The following LRRC4C variants were observed in gnomAD, a reference collection of about 807,000 sequenced individuals.
LRRC4C encodes leucine-rich repeat-containing protein 4C.
Under a neutral mutation model 33.6 loss-of-function variants are expected in LRRC4C, and 5 were observed. The ratio of observed to expected loss-of-function variants is 0.15; its 90% CI spans 0.08 to 0.31. The LOEUF (loss-of-function observed/expected upper bound fraction) is 0.31. Ranked by LOEUF, LRRC4C falls within the 10% of genes least tolerant of loss-of-function variation. The pLI, the probability that LRRC4C is intolerant of heterozygous loss-of-function variation, is 1.00. For missense variants in LRRC4C, 560 were observed against 796.7 expected (o/e 0.70, Z 3.58); for synonymous variants, 329 against 302.0 (o/e 1.09, Z -0.93).
At chr11:40,765,679 G>A (rs1192358943) in intron 2 of LRRC4C, among the ~76,000 whole-genome samples, 2 of 151,822 alleles carry the variant, frequency 1.3e-5, no homozygotes, top group East Asian at 3.9e-4. Context: ...AAAATGCAAT[G>A]TATATACTAA....
At chr11:41,108,794 T>C (rs1274789974) in intron 1 of LRRC4C, among the ~76,000 whole-genome samples, 1 of 152,130 alleles carries the variant, frequency 6.6e-6, no homozygotes, top group Non-Finnish European at 1.5e-5. Context: ...CTTTCTTGTA[T>C]GCTATGATGA....
chr11:41,088,204 A>G (rs997282181), intron 1 of LRRC4C, among the ~76,000 whole-genome samples: 5 of 152,134 alleles, frequency 3.3e-5, no homozygotes. Context: ...TAAGTAATTT[A>G]CTTGCTCAAC....
intron 2 of LRRC4C, among the ~76,000 whole-genome samples, chr11:40,703,103 G>A (rs916852223): frequency 6.6e-6 from 1 of 151,844 alleles, no homozygotes; most frequent in Non-Finnish European, 1.5e-5. Flanking sequence ...TACCTCAGGG[G>A]GCATTAGGCA....
intron 1 of LRRC4C, among the ~76,000 whole-genome samples, chr11:41,113,723 A>AATC (rs1200135010): frequency 6.6e-6 from 1 of 151,938 alleles, no homozygotes; most frequent in Non-Finnish European, 1.5e-5. Context: ...CTCTCCCTTT[A>AATC]ATCATCTGTC....
intron 1 of LRRC4C, among the ~76,000 whole-genome samples, chr11:41,155,714 C>A (rs1169664025): frequency 1.3e-5 from 2 of 152,088 alleles, no homozygotes; most frequent in African/African-American, 4.8e-5. Flanking sequence ...TTTGGTTTTG[C>A]AAAAACTCAC....
chr11:40,944,630 G>T (rs1371713861), intron 1 of LRRC4C, among the ~76,000 whole-genome samples: 1 of 152,142 alleles, frequency 6.6e-6, no homozygotes, highest in Non-Finnish European at 1.5e-5. Flanking sequence ...CCTCTGGAAA[G>T]CTTAGCCATG....
intron 2 of LRRC4C, among the ~76,000 whole-genome samples, chr11:40,785,915 C>T (rs922289411): frequency 2.6e-5 from 4 of 151,010 alleles, no homozygotes; most frequent in Admixed American, 6.6e-5. Flanking sequence ...GAAAAAAAAA[C>T]GGAAGTTGAG....
At chr11:40,935,666 T>A (rs912581353) in intron 1 of LRRC4C, among the ~76,000 whole-genome samples, 3 of 152,048 alleles carry the variant, frequency 2.0e-5, no homozygotes, top group Non-Finnish European at 4.4e-5. Flanking sequence ...ATGTACACAA[T>A]ATGATGTTCT....
At chr11:40,255,027 G>T (rs991523918) in intron 4 of LRRC4C, among the ~76,000 whole-genome samples, 4 of 152,036 alleles carry the variant, frequency 2.6e-5, no homozygotes, top group Non-Finnish European at 5.9e-5. Flanking sequence ...GCCCAGGCTG[G>T]CCTCAAACTC....
At chr11:40,850,382 C>G (rs1431393062) in intron 2 of LRRC4C, among the ~76,000 whole-genome samples, 1 of 152,132 alleles carries the variant, frequency 6.6e-6, no homozygotes, top group Non-Finnish European at 1.5e-5. Context: ...TTTCTTCTAA[C>G]AGTCAGCACT....
intron 3 of LRRC4C, among the ~76,000 whole-genome samples, chr11:40,519,029 G>A (rs1955690572): frequency 6.6e-6 from 1 of 152,120 alleles, no homozygotes; most frequent in Non-Finnish European, 1.5e-5. Context: ...TCATAAGTGG[G>A]AGTTGAACAA....
intron 2 of LRRC4C, among the ~76,000 whole-genome samples, chr11:40,781,860 C>T (rs917346993): frequency 5.3e-5 from 8 of 152,116 alleles, no homozygotes; most frequent in Non-Finnish European, 1.0e-4. Flanking sequence ...GGCTTGGTAA[C>T]GTAGAGATTT....
chr11:41,111,850 T>C (rs748874315), intron 1 of LRRC4C, among the ~76,000 whole-genome samples: 50 of 151,996 alleles, frequency 3.3e-4, no homozygotes, highest in Non-Finnish European at 5.0e-4. Flanking sequence ...TGATTAACCT[T>C]ATAGAAAAAA....
chr11:40,614,265 C>T (rs1961533198), intron 3 of LRRC4C, among the ~76,000 whole-genome samples: 1 of 151,888 alleles, frequency 6.6e-6, no homozygotes, highest in African/African-American at 2.4e-5. Context: ...TTACCTAGAT[C>T]ATCTGGATAA....
rs555876943 is a variant in LRRC4C at position 41,034,569 on chromosome 11, A to T, written c.-495-100846T>A. 3.1e-4 allele frequency among the ~76,000 whole-genome samples: 43 copies of T among 137,940 alleles called. No homozygotes were observed. The East Asian group carries it at 8.8e-3, about 28-fold the overall frequency. 90.5% of individuals were successfully genotyped at this position (137,940 alleles called of 152,430 possible). On this transcript the variant is annotated intron_variant, in intron 1 of 6. Transcript: ENST00000528697. Reference sequence around the variant, plus strand: ...AATTGGCTAAAACTTCCTTTTAAAAATTTGTCTTTTGTTGTTTTTCTAAAA... The same window carrying T: ...AATTGGCTAAAACTTCCTTTTAAAATTTTGTCTTTTGTTGTTTTTCTAAAA...
intron 1 of LRRC4C, chr11:41,123,115 C>T (rs1200403482): frequency 6.6e-6 from 1 of 152,184 alleles, no homozygotes; most frequent in African/African-American, 2.4e-5. Context: ...AAATTCCCAT[C>T]CTATGCAAGT....
intron 3 of LRRC4C, among the ~76,000 whole-genome samples, chr11:40,387,576 G>T (rs1949160366): frequency 1.3e-5 from 2 of 152,012 alleles, no homozygotes; most frequent in Admixed American, 1.3e-4. Context: ...CTTTAATAGA[G>T]AGTCAAGTCT....
At chr11:41,304,306 G>A (rs1950397005) in intron 1 of LRRC4C, among the ~76,000 whole-genome samples, 1 of 111,936 alleles carries the variant, frequency 8.9e-6, no homozygotes, top group Non-Finnish European at 1.9e-5. Context: ...GGGAAGTGAG[G>A]AGCCCCTCTG....
chr11:40,754,179 T>G (rs1948830099), intron 2 of LRRC4C, among the ~76,000 whole-genome samples: 2 of 152,078 alleles, frequency 1.3e-5, no homozygotes, highest in African/African-American at 4.8e-5. Context: ...TCTCTAATTT[T>G]GTTCACTGAT....
Sources: allele counts gnomAD v4.1 joint callset (sites outside exome capture counted in the v4.1 genomes callset), GRCh38; gene constraint gnomAD v4.1.1; transcripts MANE v1.5; gene names NCBI Gene and HGNC (gene_info 2026-07-23, HGNC 2026-07-21).